Variants in TTC19 observed in about 807,000 individuals in gnomAD.
TTC19 encodes the protein tetratricopeptide repeat protein 19, mitochondrial.
In TTC19, 38 loss-of-function variants were observed where a neutral mutation model predicts 49.5. The observed-to-expected ratio is 0.77, with a 90% CI of 0.59 to 1.01. The LOEUF (loss-of-function observed/expected upper bound fraction) is 1.01. TTC19 is among the 50% of genes least tolerant of loss of function. The pLI, the probability that TTC19 is intolerant of heterozygous loss-of-function variation, is 0.00. For synonymous variants in TTC19, 204 were observed against 185.2 expected (o/e 1.10, Z -0.83); for missense variants, 475 against 477.7 (o/e 0.99, Z 0.05).
intron 8 of TTC19, among the ~76,000 whole-genome samples, chr17:16,026,021 A>G (rs1597469265): frequency 6.6e-6 from 1 of 152,264 alleles, no homozygotes; most frequent in Non-Finnish European, 1.5e-5. Context: ...TAGGTATGGA[A>G]GTCTACCTCT....
chr17:16,028,837 A>AAAAAAC lies in TTC19; in HGVS notation c.*1320_*1321insCAAAAA. 2 of 376,910 alleles carry AAAAAAC rather than the reference A, an allele frequency of 5.3e-6. No individual in the cohort carries two copies. The highest frequency in any genetic ancestry group is 1.0e-5 in the Non-Finnish European group (2 of 196,224). The allele number at this position is 376,910 out of a possible 1,614,324, so 23.3% of individuals were successfully genotyped here. A position where few individuals can be genotyped will look rare whatever the true frequency, so the allele number is the denominator to read the frequency against. ...ATTTCTCAAAAAAAAAAAAAAAAAAAAAAAAAAAACTTTCTGAAGAAAATA... is the reference window on the plus strand; with the variant it reads ...ATTTCTCAAAAAAAAAAAAAAAAAAAAAAAACAAAAAAAAACTTTCTGAAGAAAATA... On this transcript the variant is annotated 3_prime_UTR_variant, in exon 10 of 10. Coordinates refer to ENST00000261647, the MANE Select transcript of TTC19 (RefSeq NM_017775.4).
chr17:16,033,985 C>T (rs894592890), downstream of TTC19, among the ~76,000 whole-genome samples: 2 of 152,104 alleles, frequency 1.3e-5, no homozygotes, highest in South Asian at 2.1e-4. Context: ...CATGAGCCAC[C>T]GCGCCCAGCT....
chr17:16,025,084 G>A lies in TTC19; in HGVS notation c.744G>A (p.Leu248=). The A allele has an allele frequency of 1.9e-6, 3 of 1,613,916 alleles. No individual in the cohort carries two copies. In the African/African-American group the frequency reaches 4.0e-5, roughly 22 times the overall value. Residue 248 remains leucine (L), a synonymous_variant, in exon 8 of 10, where the codon CTG becomes CTA. Coordinates refer to ENST00000261647, the MANE Select transcript of TTC19 (RefSeq NM_017775.4). The stretch of plus-strand genomic sequence containing the variant: ...TAGACGCCTGTGCTCGCTACCTTCT[G>A]TTCTCCAAGCAGCCGTCACAGGCAC... ...MCLDACARYL[L]FSKQPSQAQR...
intron 7 of TTC19, among the ~76,000 whole-genome samples, chr17:16,013,825 T>G (rs1291952028): frequency 6.6e-6 from 1 of 152,250 alleles, no homozygotes. Context: ...TTATCAGATA[T>G]GCATTATATT....
At chr17:16,034,695 G>A in intron 2 of TTC19, 2 of 1,357,780 alleles carry the variant, frequency 1.5e-6, no homozygotes. Context: ...GCTGAATTTT[G>A]AAGAACTAAT....
chr17:16,022,815 G>A (rs982443848), intron 7 of TTC19, among the ~76,000 whole-genome samples: 1 of 152,164 alleles, frequency 6.6e-6, no homozygotes, highest in Non-Finnish European at 1.5e-5. Flanking sequence ...TTCATGGACT[G>A]AGTATAGTAG....
Position 15,999,971 on chromosome 17 carries a change from G to A in TTC19, c.123G>A (p.Gln41=). 1 of 1,301,408 alleles carries A rather than the reference G, an allele frequency of 7.7e-7. No homozygotes were observed. Among genetic ancestry groups the A allele is most frequent in the African/African-American group, 1.5e-5 (1 of 64,518 alleles). The allele number at this position is 1,301,408 out of a possible 1,614,324, so 80.6% of individuals were successfully genotyped here. A position where few individuals can be genotyped will look rare whatever the true frequency, so the allele number is the denominator to read the frequency against. ...CAGGAGGTCCGGGGCCCGAGGTGCAGGTGCCGCCATCCCGAGTCGCGCCGC... is the reference window on the plus strand; with the variant it reads ...CAGGAGGTCCGGGGCCCGAGGTGCAAGTGCCGCCATCCCGAGTCGCGCCGC... The part of the protein sequence containing the change: ...GLAGGPGPEV[Q]VPPSRVAPHG... The change falls in exon 1 of 10, where the codon CAG becomes CAA. Residue 41 remains glutamine, a synonymous_variant. Transcript: ENST00000261647.
At chr17:16,005,366 C>T (rs1368575976) in intron 6 of TTC19, among the ~76,000 whole-genome samples, 4 of 152,012 alleles carry the variant, frequency 2.6e-5, no homozygotes, top group East Asian at 1.9e-4. Flanking sequence ...AAGTTTTGAG[C>T]GTAGGGAAGG....
Position 16,040,092 on chromosome 17 carries a change from G to C in TTC19, c.248-4411G>C, listed in dbSNP as rs573782392. On this transcript the variant is annotated intron_variant, in intron 2 of 2. Transcript: ENST00000470649. ...GGCGTGAGCCACCGCACCCAGCCCA[G>C]AGACCATCTTAATCCACAGATAACT... is the stretch of plus-strand genomic sequence containing the variant. 1.7e-5 allele frequency: 8 copies of C among 479,124 alleles called. No homozygotes were observed. In the Admixed American group the frequency reaches 1.9e-4, roughly 11 times the overall value. 29.7% of individuals were successfully genotyped at this position (479,124 alleles called of 1,614,324 possible).
In TTC19 at chr17:16,026,715, G is replaced by C; in HGVS notation, c.994+13G>C. On this transcript the variant is annotated intron_variant, in intron 9 of 9. Transcript: ENST00000261647. ...TTGATGCACAGAGGTAGGTAGCAAT[G>C]TAAACTTAACTGACTTGCTTTAAGG... The C allele has an allele frequency of 6.2e-7, 1 of 1,613,826 alleles. No homozygotes were observed. The highest frequency in any genetic ancestry group is 8.5e-7 in the Non-Finnish European group (1 of 1,179,758).
chr17:16,027,719 T>G lies in TTC19; in HGVS notation c.*197T>G. 1 of 670,292 alleles carries G rather than the reference T, an allele frequency of 1.5e-6. No homozygotes were observed. The highest frequency in any genetic ancestry group is 1.5e-5 in the South Asian group (1 of 66,572). 41.5% of individuals were successfully genotyped at this position (670,292 alleles called of 1,614,324 possible). On this transcript the variant is annotated 3_prime_UTR_variant, in exon 10 of 10. Transcript: ENST00000261647. ...AGGAAAAATGACTTTCATTCCCAAC[T>G]GATTATGACCTTTCAGGATGTCGTC... is the stretch of plus-strand genomic sequence containing the variant.
Position 16,006,557 on chromosome 17 carries a change from A to T in TTC19, c.665A>T (p.Asp222Val), listed in dbSNP as rs1970914844. Residue 222 changes from aspartate to valine, a missense_variant, in exon 7 of 10, where the codon GAC (aspartate) becomes GTC (valine). Asp to Val is a radical substitution (Grantham distance 152). Transcript: ENST00000261647. ...KIEREKELAE[D>V]IMSVEEKANT... ...GAAAGAGAAAAGGAATTAGCAGAAG[A>T]CATTATGTCAGGTAGGAAACCCATT... is the stretch of plus-strand genomic sequence containing the variant. 3 of 1,607,240 alleles carry T rather than the reference A, an allele frequency of 1.9e-6. No individual in the cohort carries two copies. In the South Asian group the frequency reaches 3.3e-5, roughly 18 times the overall value.
intron 7 of TTC19, among the ~76,000 whole-genome samples, chr17:16,013,170 C>G (rs564835209): frequency 6.6e-6 from 1 of 152,248 alleles, no homozygotes; most frequent in South Asian, 2.1e-4. Context: ...TGCCACTGTC[C>G]TTCAGCACAG....
chr17:16,037,440 TGC>T (rs2056640118), intron 2 of TTC19, among the ~76,000 whole-genome samples: 1 of 151,818 alleles, frequency 6.6e-6, no homozygotes, highest in South Asian at 2.1e-4. Flanking sequence ...AAACGAGGTA[TGC>T]TTGCATTTAA....
intron 2 of TTC19, 170 bp downstream of exon 2, chr17:16,000,415 C>T (rs1970687497): frequency 1.4e-6 from 2 of 1,465,550 alleles, no homozygotes; most frequent in East Asian, 2.5e-5. Context: ...GGAATCCATC[C>T]AGGCTTTTCC....
At position 16,028,961 on chromosome 17, in the gene TTC19, T is replaced by C. The variant is rs1971724014; in HGVS notation, c.*1439T>C. On this transcript the variant is annotated 3_prime_UTR_variant, in exon 10 of 10. Coordinates refer to ENST00000261647, the MANE Select transcript of TTC19 (RefSeq NM_017775.4). ...AAATTTCTTCCTATTTTCTGTCTAA[T>C]CTCATATTATTTACCATGCAGCTAA... 2.3e-6 allele frequency: 1 copy of C among 425,860 alleles called. No individual in the cohort carries two copies. Among genetic ancestry groups the C allele is most frequent in the Non-Finnish European group, 4.6e-6 (1 of 218,874 alleles). 26.4% of individuals were successfully genotyped at this position (425,860 alleles called of 1,614,324 possible). A position where few individuals can be genotyped will look rare whatever the true frequency, so the allele number is the denominator to read the frequency against.
chr17:16,044,688 T>A (rs575800273), exon 3 of TTC19: 1 of 678,156 alleles, frequency 1.5e-6, no homozygotes, highest in East Asian at 3.0e-5. Context: ...GAGGTGACCA[T>A]CACGGAGGAT....
At chr17:16,044,062 G>A (rs575617154) in intron 2 of TTC19, among the ~76,000 whole-genome samples, 3 of 151,748 alleles carry the variant, frequency 2.0e-5, no homozygotes, top group Admixed American at 1.3e-4. Context: ...CCAGCTACTC[G>A]GGAGGCTGGC....
intron 7 of TTC19, among the ~76,000 whole-genome samples, chr17:16,021,024 A>G (rs1243840044): frequency 2.0e-5 from 3 of 152,176 alleles, no homozygotes; most frequent in African/African-American, 7.2e-5. Context: ...TCATTCAACA[A>G]TTCAGTCAGA....
Sources: gnomAD v4.1 joint callset for allele counts (sites outside exome capture counted in the v4.1 genomes callset) on GRCh38, gnomAD v4.1.1 for gene constraint, MANE v1.5 for transcripts, NCBI Gene and HGNC (gene_info 2026-07-23, HGNC 2026-07-21) for gene names.